Variants in UNC5C observed in about 807,000 individuals in gnomAD.
UNC5C encodes unc-5 netrin receptor C.
UNC5C carries 47 observed loss-of-function variants against 99.8 expected under a neutral mutation model. The observed-to-expected ratio is 0.47, with a 90% CI of 0.37 to 0.60. UNC5C has a LOEUF of 0.60. Ranked by LOEUF, UNC5C falls within the 20% of genes least tolerant of loss-of-function variation. The probability of loss-of-function intolerance (pLI) is 0.00; values close to 1 mark genes in which losing one functional copy is unlikely to be tolerated. For missense variants in UNC5C, 1,062 were observed against 1,165.9 expected, an observed-to-expected ratio of 0.91 and a Z score of 1.30; for synonymous variants, 487 against 452.2, an observed-to-expected ratio of 1.08 and a Z score of -0.98.
chr4:95,335,628 T>A lies in UNC5C; in HGVS notation c.128A>T (p.Asp43Val), dbSNP rs772445268. Residue 43 changes from aspartate to valine, a missense_variant, in exon 2 of 16, where the codon GAT becomes GTT. By Grantham distance (152) the Asp-to-Val change is radical (BLOSUM62 -3). Transcript: ENST00000453304. ...ASGTGSAAQD[D>V]DFFHELPETF... ...TTCTGGGAGTTCATGAAAAAAGTCA[T>A]CATCTGAGAAAGAAGAAGAAAGTGG... 7 of 1,604,992 alleles carry A rather than the reference T, an allele frequency of 4.4e-6. No homozygotes were observed. Among genetic ancestry groups the A allele is most frequent in the Non-Finnish European group, 3.4e-6 (4 of 1,176,476 alleles).
At chr4:95,383,642 G>A (rs934089419) in intron 1 of UNC5C, among the ~76,000 whole-genome samples, 1 of 152,082 alleles carries the variant, frequency 6.6e-6, no homozygotes, top group African/African-American at 2.4e-5. Context: ...CCATGATATG[G>A]AAAACACCAG....
intron 1 of UNC5C, among the ~76,000 whole-genome samples, chr4:95,376,811 A>C (rs961911518): frequency 2.6e-5 from 4 of 152,220 alleles, no homozygotes; most frequent in Non-Finnish European, 5.9e-5. Flanking sequence ...ATTGTTAAAA[A>C]TTCACATTTG....
At chr4:95,197,418 C>T (rs1737474934) in intron 12 of UNC5C, among the ~76,000 whole-genome samples, 1 of 152,104 alleles carries the variant, frequency 6.6e-6, no homozygotes, top group Admixed American at 6.6e-5. Context: ...AATGCAGCCT[C>T]AGGCATCATT....
At chr4:95,407,523 A>G (rs1488874884) in intron 1 of UNC5C, among the ~76,000 whole-genome samples, 1 of 152,168 alleles carries the variant, frequency 6.6e-6, no homozygotes, top group East Asian at 1.9e-4. Context: ...GAAGGATTGC[A>G]TCCAAAGAGA....
intron 1 of UNC5C, among the ~76,000 whole-genome samples, chr4:95,358,392 G>A (rs1265708238): frequency 1.3e-5 from 2 of 152,066 alleles, no homozygotes; most frequent in Non-Finnish European, 2.9e-5. Flanking sequence ...CTTTTTGATG[G>A]AGCAAATGAC....
chr4:95,321,366 T>C (rs1288189808), intron 2 of UNC5C, among the ~76,000 whole-genome samples: 1 of 152,182 alleles, frequency 6.6e-6, no homozygotes, highest in East Asian at 1.9e-4. Flanking sequence ...CTCTTCTTTT[T>C]GTAAGTCAGA....
intron 13 of UNC5C, 70 bp downstream of exon 13, chr4:95,184,977 A>G (rs914753613): frequency 3.5e-6 from 5 of 1,424,374 alleles, no homozygotes; most frequent in Middle Eastern, 1.9e-4. Context: ...GGGATTTCCT[A>G]TGTCTATATA....
chr4:95,190,620 C>T (rs1202611561), intron 12 of UNC5C, among the ~76,000 whole-genome samples: 5 of 152,138 alleles, frequency 3.3e-5, no homozygotes, highest in Middle Eastern at 3.2e-3. Context: ...GCCCAGCCCC[C>T]CTTGTACAGT....
Position 95,166,955 on chromosome 4 carries a change from G to A in UNC5C, c.*2279C>T, listed in dbSNP as rs2149341744. On this transcript the variant is annotated 3_prime_UTR_variant, in exon 16 of 16. Transcript: ENST00000453304. ...ATATTTTAAATATGGAAATCCTAAT[G>A]CAGGGGGTGGGCTGAGAGAGATTTT... is the stretch of plus-strand genomic sequence containing the variant. The A allele has an allele frequency of 6.6e-6, 1 of 150,500 alleles. No homozygotes were observed. Among genetic ancestry groups the A allele is most frequent in the Admixed American group, 6.7e-5 (1 of 14,888 alleles). The allele number at this position is 150,500 out of a possible 1,614,324, so 9.3% of individuals were successfully genotyped here.
At position 95,184,586 on chromosome 4, in the gene UNC5C, C is replaced by CTGAT. The variant is rs951606651; in HGVS notation, c.2286+457_2286+460dup. ...TTCTTGTCTCTTGTTTAATAATATC[C>CTGAT]TGATTGGGTTTTACTTTTACATGCT... On this transcript the variant is annotated intron_variant, in intron 13 of 15. Coordinates refer to ENST00000453304, the MANE Select transcript of UNC5C (RefSeq NM_003728.4). Among the ~76,000 whole-genome samples the CTGAT allele has an allele frequency of 1.8e-3, 267 of 152,268 alleles. 1 individual carries two copies. The highest frequency in any genetic ancestry group is 6.2e-3 in the African/African-American group (258 of 41,562).
At position 95,188,192 on chromosome 4, in the gene UNC5C, C is replaced by T. The variant is rs186318813; in HGVS notation, c.2137-2996G>A. On this transcript the variant is annotated intron_variant, in intron 12 of 15. Coordinates refer to ENST00000453304, the MANE Select transcript of UNC5C (RefSeq NM_003728.4). ...TATTGGAGACTGCTGGCTCAGACAG[C>T]TTGTCCTTTCACTAGTACCTGGGGA... Among the ~76,000 whole-genome samples, 344 of 152,194 alleles carry T rather than the reference C, an allele frequency of 2.3e-3. 2 individuals are homozygous for T. The highest frequency in any genetic ancestry group is 8.0e-3 in the African/African-American group (331 of 41,510).
At chr4:95,296,739 T>A (rs6848679) in intron 3 of UNC5C, among the ~76,000 whole-genome samples, 128,663 of 152,290 alleles carry the variant, frequency 0.84, 54,729 homozygotes, top group African/African-American at 0.94. Context: ...ATAGCTTTCT[T>A]TCCTTGTGCC....
intron 1 of UNC5C, among the ~76,000 whole-genome samples, chr4:95,368,067 G>A (rs1744627400): frequency 1.3e-5 from 2 of 152,106 alleles, no homozygotes; most frequent in Admixed American, 1.3e-4. Context: ...CTGGTGTGCT[G>A]ACAGCCTGTT....
intron 2 of UNC5C, among the ~76,000 whole-genome samples, chr4:95,316,983 A>AC (rs1742500181): frequency 6.6e-6 from 1 of 151,706 alleles, no homozygotes; most frequent in Non-Finnish European, 1.5e-5. Flanking sequence ...CTCAGAAAAA[A>AC]AAAGAACACA....
chr4:95,294,253 G>A (rs185051688), intron 3 of UNC5C, among the ~76,000 whole-genome samples: 73 of 152,266 alleles, frequency 4.8e-4, no homozygotes, highest in African/African-American at 1.3e-3. Context: ...ACAGTGTGCT[G>A]GATACTATAG....
At chr4:95,222,967 G>A (rs2149369505) in intron 7 of UNC5C, among the ~76,000 whole-genome samples, 1 of 152,192 alleles carries the variant, frequency 6.6e-6, no homozygotes, top group African/African-American at 2.4e-5. Context: ...ATTTATTTTA[G>A]GGCTTCAGAG....
chr4:95,441,382 GTA>G lies in UNC5C; in HGVS notation c.125-105753_125-105752del. ...TTGCGTAAATTTCACTTTCAAAATT[GTA>G]TGTTTCAAAAGATAATATTAAAATT... is the stretch of plus-strand genomic sequence containing the variant. On this transcript the variant is annotated intron_variant, in intron 1 of 15. Transcript: ENST00000453304. Among the ~76,000 whole-genome samples the G allele has an allele frequency of 2.0e-5, 3 of 152,284 alleles. No individual in the cohort carries two copies. The South Asian group carries it at 6.2e-4, about 32-fold the overall frequency.
chr4:95,468,168 G>C (rs541169168), intron 1 of UNC5C, among the ~76,000 whole-genome samples: 1 of 138,232 alleles, frequency 7.2e-6, no homozygotes, highest in African/African-American at 2.6e-5. Context: ...TAAAACTTTT[G>C]TATAAAGTAC....
At chr4:95,275,395 AT>A (rs1401145632) in intron 4 of UNC5C, among the ~76,000 whole-genome samples, 3 of 152,160 alleles carry the variant, frequency 2.0e-5, no homozygotes, top group Non-Finnish European at 4.4e-5. Flanking sequence ...GTTCTAAGTG[AT>A]TTGCATATAT....
Sources: allele counts gnomAD v4.1 joint callset (sites outside exome capture counted in the v4.1 genomes callset), GRCh38; gene constraint gnomAD v4.1.1; transcripts MANE v1.5; gene names NCBI Gene and HGNC (gene_info 2026-07-23, HGNC 2026-07-21).